ZNF263: variants seen among roughly 807,000 people sequenced by gnomAD.
The protein encoded by ZNF263 is zinc finger protein 263.
Under a neutral mutation model 63.1 loss-of-function variants are expected in ZNF263, and 49 were observed. The observed-to-expected ratio is 0.78, with a 90% CI of 0.62 to 0.99. The LOEUF is 0.99. Ranked by LOEUF, ZNF263 falls within the 50% of genes least tolerant of loss-of-function variation. The pLI, the probability that ZNF263 is intolerant of heterozygous loss-of-function variation, is 0.00. For synonymous variants in ZNF263, 352 were observed against 324.2 expected, an observed-to-expected ratio of 1.09 and a Z score of -0.92; for missense variants, 872 against 854.8, an observed-to-expected ratio of 1.02 and a Z score of -0.25.
At chr16:3,287,442 A>C (rs1596370962) in intron 4 of ZNF263, among the ~76,000 whole-genome samples, 1 of 114,720 alleles carries the variant, frequency 8.7e-6, no homozygotes. Context: ...AGTGAGTCTC[A>C]CTCTGTTGCC....
At chr16:3,295,832 G>C (rs1307150480), downstream of ZNF263, among the ~76,000 whole-genome samples, 1 of 152,232 alleles carries the variant, frequency 6.6e-6, no homozygotes, top group Admixed American at 6.5e-5. Context: ...AGAGTGGAGA[G>C]GAGAGATCCA....
Position 3,285,726 on chromosome 16 carries a change from T to C in ZNF263, c.614T>C (p.Met205Thr). The change falls in exon 3 of 6, where the codon ATG becomes ACG. Residue 205 changes from methionine (M) to threonine (T), a missense_variant. Coordinates refer to ENST00000219069, the MANE Select transcript of ZNF263 (RefSeq NM_005741.5). Reference protein sequence around the residue: ...WLSLFPPEGNMEDKEMTGPQL... With the variant: ...WLSLFPPEGNTEDKEMTGPQL... ...TCTCTTTTTCCTCCTGAAGGGAACA[T>C]GGAAGACAAGGAGATGACTGGGCCC... 1.2e-6 allele frequency: 2 copies of C among 1,614,124 alleles called. No homozygotes were observed. The highest frequency in any genetic ancestry group is 2.2e-5 in the East Asian group (1 of 44,874).
chr16:3,285,304 C>G, intron 2 of ZNF263, 65 bp downstream of exon 2: 1 of 1,492,124 alleles, frequency 6.7e-7, no homozygotes, highest in Non-Finnish European at 9.1e-7. Flanking sequence ...CCGACACTAG[C>G]TGGATGTAGC....
rs1256010974 is a variant in ZNF263 at position 3,300,839 on chromosome 16, G to A, written c.*47-74G>A. On this transcript the variant is annotated intron_variant, in intron 2 of 2. Transcript: ENST00000574674. ...AGAAAGCTGCCAGTTGCAAAGTCCT[G>A]TCTGGCTCTTGCTCCTGCAAGCCAT... 6.7e-6 allele frequency: 4 copies of A among 595,580 alleles called. No individual in the cohort carries two copies. In the Admixed American group the frequency reaches 1.6e-4, roughly 23 times the overall value. The allele number at this position is 595,580 out of a possible 1,614,324, so 36.9% of individuals were successfully genotyped here. A position where few individuals can be genotyped will look rare whatever the true frequency, so the allele number is the denominator to read the frequency against.
intron 2 of ZNF263, 99 bp from the exon 3 acceptor site, chr16:3,285,582 C>G (rs1959317041): frequency 8.0e-7 from 1 of 1,249,596 alleles, no homozygotes; most frequent in Non-Finnish European, 1.2e-6. Context: ...TTCCCAAAAG[C>G]AGAGGCTGGG....
intron 2 of ZNF263, chr16:3,300,134 A>T (rs758999146): frequency 2.5e-6 from 4 of 1,614,102 alleles, no homozygotes; most frequent in Non-Finnish European, 2.5e-6. Flanking sequence ...ATTATCATGG[A>T]CAGTTTTTGT....
chr16:3,290,453 C>T lies in ZNF263; in HGVS notation c.1947C>T (p.His649=), dbSNP rs1017777844. ...CTCACAGCTCCAATCGGATTCGCCACCTGAGAACGCATACGGGAGAGAGAC... is the reference window on the plus strand; with the variant it reads ...CTCACAGCTCCAATCGGATTCGCCATCTGAGAACGCATACGGGAGAGAGAC... ...SFSHSSNRIR[H]LRTHTGERPY... is the part of the protein sequence containing the mutation. The change falls in exon 6 of 6, where the codon CAC becomes CAT. Residue 649 remains histidine, a synonymous_variant. Coordinates refer to ENST00000219069, the MANE Select transcript of ZNF263 (RefSeq NM_005741.5). 1.9e-6 allele frequency: 3 copies of T among 1,614,134 alleles called. No individual in the cohort carries two copies. In the African/African-American group the frequency reaches 4.0e-5, roughly 22 times the overall value.
downstream of ZNF263, among the ~76,000 whole-genome samples, chr16:3,294,577 A>G (rs1193781135): frequency 1.3e-5 from 2 of 152,160 alleles, no homozygotes; most frequent in Non-Finnish European, 2.9e-5. Flanking sequence ...AGGGCGGTTA[A>G]TATTTCCTTC....
intron 1 of ZNF263, 110 bp from the exon 2 acceptor site, chr16:3,284,948 CA>C: frequency 7.3e-7 from 1 of 1,368,388 alleles, no homozygotes. Context: ...TACCTGGGCC[CA>C]AAGGGATCGC....
chr16:3,292,720 CTT>C (rs1959643996), downstream of ZNF263, among the ~76,000 whole-genome samples: 2 of 152,204 alleles, frequency 1.3e-5, no homozygotes, highest in Admixed American at 1.3e-4. Context: ...AACACTGCAG[CTT>C]GAAGCTGGGA....
intron 2 of ZNF263, chr16:3,300,585 C>T: frequency 1.9e-6 from 3 of 1,597,218 alleles, no homozygotes; most frequent in Non-Finnish European, 2.6e-6. Context: ...CCTCCAAATT[C>T]AGTGTTGTAT....
intron 2 of ZNF263, chr16:3,299,621 G>A: frequency 6.4e-7 from 1 of 1,564,626 alleles, no homozygotes; most frequent in Non-Finnish European, 8.6e-7. Flanking sequence ...ATCACACCTT[G>A]ATTCATTGGT....
chr16:3,301,231 C>T (rs866709169), exon 3 of ZNF263: 3 of 167,128 alleles, frequency 1.8e-5, no homozygotes, highest in Admixed American at 1.3e-4. Context: ...AGCAGTTCAT[C>T]TACCTGGATA....
At position 3,289,472 on chromosome 16, in the gene ZNF263, C is replaced by A; in HGVS notation, c.966C>A (p.Asp322Glu). ...TCCACCCTCAGGTGCTGCTTCCTGA[C>A]CAGGCCCGAGGGGAGGTGCCCTGGA... Reference protein sequence around the residue: ...ENIHPQVLLPDQARGEVPWSP... With the variant: ...ENIHPQVLLPEQARGEVPWSP... The change falls in exon 6 of 6, where the codon GAC becomes GAA. Residue 322 changes from aspartate (D) to glutamate (E), a missense_variant. By Grantham distance (45) the Asp-to-Glu change is conservative. Coordinates refer to ENST00000219069, the MANE Select transcript of ZNF263 (RefSeq NM_005741.5). 1.3e-6 allele frequency: 2 copies of A among 1,539,540 alleles called. No individual in the cohort carries two copies. Among genetic ancestry groups the A allele is most frequent in the Non-Finnish European group, 8.7e-7 (1 of 1,145,898 alleles).
Position 3,290,902 on chromosome 16 carries a change from A to G in ZNF263, c.*344A>G. The stretch of plus-strand genomic sequence containing the variant: ...TTTACCTTAACAAGTTTGGGAATCC[A>G]TGTGATGTTTTTGATACTTCTTCCT... On this transcript the variant is annotated 3_prime_UTR_variant, in exon 6 of 6. Coordinates refer to ENST00000219069, the MANE Select transcript of ZNF263 (RefSeq NM_005741.5). 4 of 1,036,858 alleles carry G rather than the reference A, an allele frequency of 3.9e-6. No homozygotes were observed. Among genetic ancestry groups the G allele is most frequent in the Non-Finnish European group, 4.6e-6 (4 of 860,802 alleles). 64.2% of individuals were successfully genotyped at this position (1,036,858 alleles called of 1,614,324 possible).
At chr16:3,289,035 C>G (rs1327956379) in intron 5 of ZNF263, among the ~76,000 whole-genome samples, 4 of 152,156 alleles carry the variant, frequency 2.6e-5, no homozygotes, top group Non-Finnish European at 5.9e-5. Flanking sequence ...TTCTCCATCC[C>G]AGTGAGGCAA....
intron 2 of ZNF263, 95 bp downstream of exon 2, chr16:3,285,334 A>C (rs1959306200): frequency 3.7e-6 from 5 of 1,358,192 alleles, no homozygotes; most frequent in Non-Finnish European, 4.0e-6. Flanking sequence ...AAGGAGAAGG[A>C]ATTTCTGAAG....
intron 1 of ZNF263, among the ~76,000 whole-genome samples, chr16:3,297,552 C>T (rs1386580186): frequency 6.7e-6 from 1 of 149,100 alleles, no homozygotes; most frequent in Non-Finnish European, 1.5e-5. Flanking sequence ...GCAAGCTCCG[C>T]CTCCCAGGTT....
downstream of ZNF263, among the ~76,000 whole-genome samples, chr16:3,293,806 G>A (rs1470823323): frequency 6.6e-6 from 1 of 152,236 alleles, no homozygotes; most frequent in Non-Finnish European, 1.5e-5. Flanking sequence ...TGTTTTAAAA[G>A]CACTGAATTT....
Sources: gnomAD v4.1 joint callset for allele counts (sites outside exome capture counted in the v4.1 genomes callset) on GRCh38, gnomAD v4.1.1 for gene constraint, MANE v1.5 for transcripts, NCBI Gene and HGNC (gene_info 2026-07-23, HGNC 2026-07-21) for gene names.